The following LSAMP variants were observed in gnomAD, a reference collection of about 807,000 sequenced individuals.
LSAMP encodes the protein limbic system-associated membrane protein.
A neutral mutation model predicts 38.6 loss-of-function variants in LSAMP; 7 were observed. The ratio of observed to expected loss-of-function variants is 0.18; its 90% CI spans 0.10 to 0.34. LSAMP has a LOEUF of 0.34. Ranked by LOEUF, LSAMP falls within the 10% of genes least tolerant of loss-of-function variation. The pLI is 1.00. For synonymous variants in LSAMP, 154 were observed against 166.8 expected, an observed-to-expected ratio of 0.92 and a Z score of 0.59; for missense variants, 313 against 420.0, an observed-to-expected ratio of 0.75 and a Z score of 2.23.
chr3:115,958,463 A>G (rs950454976), intron 3 of LSAMP, among the ~76,000 whole-genome samples: 1 of 152,164 alleles, frequency 6.6e-6, no homozygotes, highest in Non-Finnish European at 1.5e-5. Context: ...TTCTATGCCA[A>G]TATTCTTAGT....
chr3:116,408,315 A>G (rs1016237288), intron 1 of LSAMP, among the ~76,000 whole-genome samples: 1 of 152,132 alleles, frequency 6.6e-6, no homozygotes, highest in Non-Finnish European at 1.5e-5. Flanking sequence ...CTAAAAGTGC[A>G]GAAAGAATGT....
At chr3:115,890,061 C>T (rs1936557274) in intron 3 of LSAMP, among the ~76,000 whole-genome samples, 1 of 151,950 alleles carries the variant, frequency 6.6e-6, no homozygotes, top group Non-Finnish European at 1.5e-5. Flanking sequence ...TATATCCCTT[C>T]ATTCTCTATA....
chr3:115,930,980 T>C (rs929462208), intron 3 of LSAMP, among the ~76,000 whole-genome samples: 2 of 152,360 alleles, frequency 1.3e-5, no homozygotes, highest in African/African-American at 4.8e-5. Context: ...TACTCGTAAA[T>C]TGAAGCCAGT....
At chr3:116,179,393 A>C (rs2107566481) in intron 1 of LSAMP, among the ~76,000 whole-genome samples, 1 of 152,224 alleles carries the variant, frequency 6.6e-6, no homozygotes, top group African/African-American at 2.4e-5. Flanking sequence ...TCAGAGGATG[A>C]ATTTGGGTAG....
At chr3:115,886,801 G>C (rs953269031) in intron 3 of LSAMP, among the ~76,000 whole-genome samples, 1 of 151,878 alleles carries the variant, frequency 6.6e-6, no homozygotes, top group Non-Finnish European at 1.5e-5. Context: ...TATCATCTTA[G>C]GTTAACAATG....
chr3:116,430,209 T>C (rs963533782), intron 1 of LSAMP, among the ~76,000 whole-genome samples: 9 of 152,176 alleles, frequency 5.9e-5, no homozygotes, highest in Admixed American at 5.9e-4. Context: ...TCCCTCTCTT[T>C]TGATATGTTT....
chr3:116,137,813 T>G (rs1202892137), intron 1 of LSAMP, among the ~76,000 whole-genome samples: 1 of 152,166 alleles, frequency 6.6e-6, no homozygotes, highest in African/African-American at 2.4e-5. Flanking sequence ...GATGGCCTTA[T>G]CAAAGGATAA....
At chr3:116,429,580 G>T (rs1004707736) in intron 1 of LSAMP, among the ~76,000 whole-genome samples, 1 of 152,156 alleles carries the variant, frequency 6.6e-6, no homozygotes, top group African/African-American at 2.4e-5. Context: ...TTACTTATAG[G>T]CAAATAATGT....
At chr3:116,298,485 A>G (rs1271020620) in intron 1 of LSAMP, among the ~76,000 whole-genome samples, 5 of 152,028 alleles carry the variant, frequency 3.3e-5, no homozygotes. Context: ...TTGCTGGAGA[A>G]GGGGAGGAGG....
intron 3 of LSAMP, among the ~76,000 whole-genome samples, chr3:115,866,728 A>T (rs1261578118): frequency 6.6e-6 from 1 of 152,088 alleles, no homozygotes; most frequent in African/African-American, 2.4e-5. Context: ...GGCCAACCTG[A>T]GGTGCAGTAA....
intron 1 of LSAMP, among the ~76,000 whole-genome samples, chr3:116,146,137 G>A (rs145198571): frequency 5.9e-4 from 90 of 151,904 alleles, no homozygotes; most frequent in African/African-American, 2.0e-3. Context: ...CCTTCTTCTA[G>A]GGAGCAGGCT....
At chr3:115,884,199 G>T (rs1475659584) in intron 3 of LSAMP, among the ~76,000 whole-genome samples, 1 of 151,956 alleles carries the variant, frequency 6.6e-6, no homozygotes, top group Non-Finnish European at 1.5e-5. Context: ...AGTAATAATG[G>T]GTGAATGGAA....
intron 3 of LSAMP, among the ~76,000 whole-genome samples, chr3:115,854,285 T>TTATTATTA (rs1553740776): frequency 1.2e-3 from 111 of 92,074 alleles, no homozygotes; most frequent in South Asian, 2.0e-3. Context: ...TATTATTATT[T>TTATTATTA]TTTTTTTTTT....
intron 3 of LSAMP, among the ~76,000 whole-genome samples, chr3:115,997,013 T>C (rs1211476550): frequency 6.6e-6 from 1 of 152,124 alleles, no homozygotes; most frequent in Non-Finnish European, 1.5e-5. Context: ...TGTGACTCAC[T>C]CTCTGTTAGC....
chr3:115,971,702 A>C (rs1275946802), intron 3 of LSAMP, among the ~76,000 whole-genome samples: 1 of 152,202 alleles, frequency 6.6e-6, no homozygotes, highest in African/African-American at 2.4e-5. Flanking sequence ...TAAGGTGATT[A>C]TCACCATGGA....
chr3:116,333,143 T>TC (rs2047872619), intron 1 of LSAMP, among the ~76,000 whole-genome samples: 1 of 152,106 alleles, frequency 6.6e-6, no homozygotes, highest in Admixed American at 6.6e-5. Flanking sequence ...ACCAGACATA[T>TC]TCAGAATACT....
At chr3:115,914,872 T>C (rs1040966083) in intron 3 of LSAMP, among the ~76,000 whole-genome samples, 2 of 152,226 alleles carry the variant, frequency 1.3e-5, no homozygotes, top group African/African-American at 2.4e-5. Flanking sequence ...AGGATTCTTT[T>C]GCACTGCTGG....
At chr3:116,303,083 C>T (rs2047436169) in intron 1 of LSAMP, among the ~76,000 whole-genome samples, 1 of 150,714 alleles carries the variant, frequency 6.6e-6, no homozygotes. Flanking sequence ...AATGTGCACC[C>T]ATGAATGCCA....
intron 1 of LSAMP, among the ~76,000 whole-genome samples, chr3:116,375,046 T>G (rs1181986835): frequency 1.3e-5 from 2 of 152,016 alleles, no homozygotes; most frequent in African/African-American, 4.8e-5. Context: ...AGTCATCTAC[T>G]TCACAGAGTT....
Sources: gnomAD v4.1 joint callset for allele counts (sites outside exome capture counted in the v4.1 genomes callset) on GRCh38, gnomAD v4.1.1 for gene constraint, MANE v1.5 for transcripts, NCBI Gene and HGNC (gene_info 2026-07-23, HGNC 2026-07-21) for gene names.